The following DPP10 variants were observed in gnomAD, a reference collection of about 807,000 sequenced individuals.
DPP10 encodes inactive dipeptidyl peptidase 10.
DPP10 carries 33 observed loss-of-function variants against 120.9 expected under a neutral mutation model. That is an observed-to-expected ratio of 0.27 (90% CI 0.21 to 0.37). DPP10 has a LOEUF of 0.37. Ranked by LOEUF, DPP10 falls within the 10% of genes least tolerant of loss-of-function variation. The pLI, the probability that DPP10 is intolerant of heterozygous loss-of-function variation, is 1.00. For missense variants in DPP10, 816 were observed against 942.8 expected (o/e 0.87, Z 1.76); for synonymous variants, 337 against 326.1 (o/e 1.03, Z -0.36).
intron 1 of DPP10, among the ~76,000 whole-genome samples, chr2:114,477,897 G>A (rs1237123997): frequency 8.0e-6 from 1 of 125,376 alleles, no homozygotes; most frequent in African/African-American, 2.6e-5. Flanking sequence ...ATGTACATAT[G>A]TGTATATATG....
chr2:114,907,000 C>T (rs1694020843), intron 1 of DPP10, among the ~76,000 whole-genome samples: 1 of 151,838 alleles, frequency 6.6e-6, no homozygotes, highest in Admixed American at 6.6e-5. Context: ...TAATGTATTC[C>T]CTATGATTTG....
chr2:114,784,924 CA>C (rs776901579), intron 1 of DPP10, among the ~76,000 whole-genome samples: 1 of 152,190 alleles, frequency 6.6e-6, no homozygotes, highest in Non-Finnish European at 1.5e-5. Context: ...ATGCATAAGA[CA>C]CTGAGAGGCC....
chr2:115,672,668 C>CTCTT (rs71420241), intron 5 of DPP10, among the ~76,000 whole-genome samples: 1 of 122,896 alleles, frequency 8.1e-6, no homozygotes, highest in African/African-American at 3.6e-5. Flanking sequence ...TTCTTTCTTT[C>CTCTT]TCTCTTTCTT....
intron 1 of DPP10, among the ~76,000 whole-genome samples, chr2:114,910,331 C>A (rs1694276833): frequency 6.6e-6 from 1 of 151,654 alleles, no homozygotes; most frequent in South Asian, 2.1e-4. Context: ...AGGCATTGTA[C>A]CTAATGGATA....
intron 1 of DPP10, among the ~76,000 whole-genome samples, chr2:115,149,863 G>A: frequency 6.6e-6 from 1 of 152,092 alleles, no homozygotes; most frequent in East Asian, 1.9e-4. Context: ...ATTTAATTGA[G>A]CACCCTGCAT....
At chr2:114,450,460 T>C (rs963915668) in intron 1 of DPP10, among the ~76,000 whole-genome samples, 1 of 152,082 alleles carries the variant, frequency 6.6e-6, no homozygotes, top group Non-Finnish European at 1.5e-5. Context: ...TCAGTACCTA[T>C]CCTAATATCT....
rs190309106 is a variant in DPP10 at position 115,765,579 on chromosome 2, G to C, written c.1114-2718G>C. Among the ~76,000 whole-genome samples the C allele has an allele frequency of 2.0e-4, 31 of 152,180 alleles. No individual in the cohort carries two copies. In the East Asian group the frequency reaches 2.3e-3, roughly 11 times the overall value. ...AAAGATGAAAACAAGATAGTTTTTA[G>C]AATATCTGAGGAGAGATTTCCTAAC... On this transcript the variant is annotated intron_variant, in intron 12 of 25. Coordinates refer to ENST00000410059, the MANE Select transcript of DPP10 (RefSeq NM_020868.6).
At chr2:115,568,780 C>T (rs749546466) in intron 5 of DPP10, among the ~76,000 whole-genome samples, 7 of 152,154 alleles carry the variant, frequency 4.6e-5, no homozygotes, top group Non-Finnish European at 7.4e-5. Flanking sequence ...TTCTGCTACC[C>T]TTCTGCTAGC....
rs149779114 is a variant in DPP10 at position 114,467,731 on chromosome 2, G to A, written c.60+24893G>A. 7.0e-3 allele frequency among the ~76,000 whole-genome samples: 1,066 copies of A among 152,252 alleles called. 7 individuals are homozygous for A. Among genetic ancestry groups the A allele is most frequent in the Admixed American group, 0.012 (178 of 15,294 alleles). On this transcript the variant is annotated intron_variant, in intron 1 of 25. Transcript: ENST00000410059. ...ATACTAGCTCCTGGCCAGGCACGGC[G>A]GCTCACGCTTGTAATCCCAGCACTT... is the stretch of plus-strand genomic sequence containing the variant.
intron 1 of DPP10, among the ~76,000 whole-genome samples, chr2:115,213,992 TAG>T (rs1353950610): frequency 6.6e-6 from 1 of 152,158 alleles, no homozygotes; most frequent in East Asian, 1.9e-4. Context: ...CCCATAAAAT[TAG>T]AGTAAAATAA....
intron 1 of DPP10, among the ~76,000 whole-genome samples, chr2:115,171,915 A>G (rs1559181472): frequency 6.6e-6 from 1 of 152,172 alleles, no homozygotes; most frequent in South Asian, 2.1e-4. Flanking sequence ...GGTTACACGC[A>G]AAGCCATAAT....
In DPP10 at chr2:115,149,009, C is replaced by G. The variant is rs531308297; in HGVS notation, c.61-160230C>G. On this transcript the variant is annotated intron_variant, in intron 1 of 25. Transcript: ENST00000410059. The stretch of plus-strand genomic sequence containing the variant: ...TCATCTCCCTTGTTCCCACAAACTC[C>G]TTTCCCTTAAAATTAATCTGTTGAC... Among the ~76,000 whole-genome samples the G allele has an allele frequency of 3.9e-5, 6 of 152,254 alleles. No individual in the cohort carries two copies. In the South Asian group the frequency reaches 1.0e-3, roughly 26 times the overall value.
chr2:114,749,792 G>A (rs761536134), intron 1 of DPP10, among the ~76,000 whole-genome samples: 27 of 152,024 alleles, frequency 1.8e-4, no homozygotes, highest in Non-Finnish European at 3.2e-4. Flanking sequence ...AGAGAAAAGC[G>A]TTAGTACACT....
At chr2:115,293,464 G>A (rs1195468565) in intron 1 of DPP10, among the ~76,000 whole-genome samples, 2 of 152,012 alleles carry the variant, frequency 1.3e-5, no homozygotes, top group Non-Finnish European at 2.9e-5. Context: ...TCAGTTAACC[G>A]TGACGTAGGC....
intron 5 of DPP10, chr2:115,526,224 G>T: frequency 2.7e-6 from 1 of 370,296 alleles, no homozygotes; most frequent in Non-Finnish European, 4.9e-6. Flanking sequence ...TGGCAGAGGA[G>T]AATGTGGCAG....
chr2:115,167,260 GAA>G (rs563385836), intron 1 of DPP10, among the ~76,000 whole-genome samples: 2 of 132,430 alleles, frequency 1.5e-5, no homozygotes, highest in African/African-American at 5.3e-5. Flanking sequence ...AGACAAAATA[GAA>G]AAAAAAAAAA....
chr2:115,147,647 C>T (rs895907991), intron 1 of DPP10, among the ~76,000 whole-genome samples: 2 of 151,828 alleles, frequency 1.3e-5, no homozygotes, highest in Non-Finnish European at 2.9e-5. Context: ...GAGTGGAAAG[C>T]GTGGCAGAAT....
chr2:115,247,914 G>C (rs536222628), intron 1 of DPP10, among the ~76,000 whole-genome samples: 51 of 152,150 alleles, frequency 3.4e-4, no homozygotes, highest in African/African-American at 1.2e-3. Flanking sequence ...CTTCTTATAT[G>C]ACTCACCATT....
chr2:114,495,502 T>C (rs1304967769), intron 1 of DPP10, among the ~76,000 whole-genome samples: 3 of 152,208 alleles, frequency 2.0e-5, no homozygotes, highest in Non-Finnish European at 4.4e-5. Flanking sequence ...TCTGTATTTA[T>C]TGCCTATCAT....
Sources: gnomAD v4.1 joint callset for allele counts (sites outside exome capture counted in the v4.1 genomes callset) on GRCh38, gnomAD v4.1.1 for gene constraint, MANE v1.5 for transcripts, NCBI Gene and HGNC (gene_info 2026-07-23, HGNC 2026-07-21) for gene names.